The following POLR2G variants were observed in gnomAD, a reference collection of about 807,000 sequenced individuals.
POLR2G encodes the protein RNA polymerase II subunit G, also known as DNA-directed RNA polymerase II subunit RPB7.
A neutral mutation model predicts 25.7 loss-of-function variants in POLR2G; 19 were observed. The ratio of observed to expected loss-of-function variants is 0.74; its 90% CI spans 0.52 to 1.08. The LOEUF (loss-of-function observed/expected upper bound fraction) is 1.08, where lower values mean the gene tolerates loss of function less well. Among genes scored for constraint, POLR2G ranks in the 50% least tolerant of loss-of-function variants. POLR2G has a pLI of 0.00. For missense variants in POLR2G, 123 were observed against 218.5 expected (o/e 0.56, Z 2.76); for synonymous variants, 79 against 76.0 (o/e 1.04, Z -0.21).
In POLR2G at chr11:62,766,630, C is replaced by A; in HGVS notation, c.*123C>A. 1 of 816,894 alleles carries A rather than the reference C, an allele frequency of 1.2e-6. No individual in the cohort carries two copies. 50.6% of individuals were successfully genotyped at this position (816,894 alleles called of 1,614,324 possible). On this transcript the variant is annotated 3_prime_UTR_variant, in exon 8 of 8. Coordinates refer to ENST00000301788, the MANE Select transcript of POLR2G (RefSeq NM_002696.3). ...AAGGAAGGCAACTCATCCCAGAAGG[C>A]ATCTGGTGCTTCTTGTAGCTTAACT...
chr11:62,765,215 T>C lies in POLR2G; in HGVS notation c.316T>C (p.Cys106Arg). 6.2e-7 allele frequency: 1 copy of C among 1,614,004 alleles called. No homozygotes were observed. Among genetic ancestry groups the C allele is most frequent in the Non-Finnish European group, 8.5e-7 (1 of 1,179,958 alleles). ...GLFTEIGPMS[C>R]FISRHSIPSE... ...CTTCACAGAAATTGGGCCCATGTCTTGCTTCATCTCTCGACATGTAAGTCT... is the reference window on the plus strand; with the variant it reads ...CTTCACAGAAATTGGGCCCATGTCTCGCTTCATCTCTCGACATGTAAGTCT... The change falls in exon 4 of 8, where the codon TGC becomes CGC. Residue 106 changes from cysteine to arginine, a missense_variant. Transcript: ENST00000301788.
At chr11:62,765,102 C>T (rs112175782) in intron 3 of POLR2G, 80 bp from the exon 4 acceptor site, 37 of 1,204,510 alleles carry the variant, frequency 3.1e-5, no homozygotes, top group African/African-American at 2.5e-4. Flanking sequence ...CGTGATCCAC[C>T]GGCCTCGGCC....
chr11:62,764,471 T>C (rs2957001), intron 3 of POLR2G, among the ~76,000 whole-genome samples: 3 of 151,620 alleles, frequency 2.0e-5, no homozygotes, highest in African/African-American at 4.8e-5. Context: ...AAAGTAAATA[T>C]GTAAATAAAT....
chr11:62,764,558 G>T (rs1396554174), intron 3 of POLR2G, among the ~76,000 whole-genome samples: 1 of 152,116 alleles, frequency 6.6e-6, no homozygotes, highest in Non-Finnish European at 1.5e-5. Flanking sequence ...GCTTTGGGGG[G>T]CAGAAGTGGG....
chr11:62,762,921 C>G lies in POLR2G; in HGVS notation c.177C>G (p.Ile59Met), dbSNP rs759954499. The change falls in exon 3 of 8, where the codon ATC becomes ATG. Residue 59 changes from isoleucine (I) to methionine (M), a missense_variant. Coordinates refer to ENST00000301788, the MANE Select transcript of POLR2G (RefSeq NM_002696.3). Reference protein sequence around the residue: ...TTIDNIGAGVIQPGRGFVLYP... With the variant: ...TTIDNIGAGVMQPGRGFVLYP... ...TTGACAATATTGGTGCTGGTGTGAT[C>G]CAGCCAGGCCGAGGCTTTGTCCTTT... 1 of 1,611,136 alleles carries G rather than the reference C, an allele frequency of 6.2e-7. No homozygotes were observed.
At chr11:62,766,417 G>T in intron 7 of POLR2G, 77 bp from the exon 8 acceptor site, 1 of 1,562,004 alleles carries the variant, frequency 6.4e-7, no homozygotes, top group South Asian at 1.1e-5. Context: ...CAGGACATTT[G>T]CCTTGGGATG....
intron 1 of POLR2G, 52 bp downstream of exon 1, chr11:62,761,712 G>A: frequency 6.2e-7 from 1 of 1,609,892 alleles, no homozygotes; most frequent in Non-Finnish European, 8.5e-7. Flanking sequence ...GAAGAGCAAG[G>A]CCAGGCGCCG....
chr11:62,762,971 T>G lies in POLR2G; in HGVS notation c.227T>G (p.Val76Gly). ...VLYPVKYKAI[V>G]FRPFKGEVVD... ...TATCCAGTTAAGTACAAGGCCATTGTTTTCCGGCCATTTAAAGGGGAGGTC... is the reference window on the plus strand; with the variant it reads ...TATCCAGTTAAGTACAAGGCCATTGGTTTCCGGCCATTTAAAGGGGAGGTC... Residue 76 changes from valine (V) to glycine (G), a missense_variant, in exon 3 of 8, where the codon GTT (valine) becomes GGT (glycine). Coordinates refer to ENST00000301788, the MANE Select transcript of POLR2G (RefSeq NM_002696.3). 1.2e-6 allele frequency: 2 copies of G among 1,611,370 alleles called. No individual in the cohort carries two copies. The highest frequency in any genetic ancestry group is 1.7e-6 in the Non-Finnish European group (2 of 1,177,754).
intron 3 of POLR2G, among the ~76,000 whole-genome samples, chr11:62,763,394 A>G (rs2084098954): frequency 6.6e-6 from 1 of 150,652 alleles, no homozygotes; most frequent in African/African-American, 2.4e-5. Context: ...TCCCGGGTTC[A>G]CACCATTCTC....
At chr11:62,766,309 G>T in intron 7 of POLR2G, 33 bp downstream of exon 7, 3 of 1,604,414 alleles carry the variant, frequency 1.9e-6, no homozygotes, top group Non-Finnish European at 2.6e-6. Context: ...TGGGGTTATT[G>T]CCTGGAGAAG....
chr11:62,761,766 C>T, intron 1 of POLR2G, 29 bp from the exon 2 acceptor site: 1 of 1,609,340 alleles, frequency 6.2e-7, no homozygotes, highest in Non-Finnish European at 8.5e-7. Flanking sequence ...CAGCGCCTGG[C>T]CTGGTCGCCA....
chr11:62,765,369 T>G lies in POLR2G; in HGVS notation c.363T>G (p.Pro121=). ...TCCCTTCAGAGATGGAGTTTGATCC[T>G]AACTCCAACCCACCATGTTACAAGA... ...HSIPSEMEFD[P]NSNPPCYKTM... Residue 121 remains proline, a synonymous_variant, in exon 5 of 8, where the codon CCT becomes CCG. Transcript: ENST00000301788. 1 of 1,613,068 alleles carries G rather than the reference T, an allele frequency of 6.2e-7. No homozygotes were observed. Among genetic ancestry groups the G allele is most frequent in the Non-Finnish European group, 8.5e-7 (1 of 1,179,086 alleles).
Position 62,765,702 on chromosome 11 carries a change from C to T in POLR2G, c.449C>T (p.Thr150Ile). 1 of 1,607,970 alleles carries T rather than the reference C, an allele frequency of 6.2e-7. No homozygotes were observed. The highest frequency in any genetic ancestry group is 8.5e-7 in the Non-Finnish European group (1 of 1,174,394). Residue 150 changes from threonine (T) to isoleucine (I), a missense_variant, in exon 6 of 8, where the codon ACC (threonine) becomes ATC (isoleucine). By Grantham distance (89) the Thr-to-Ile change is moderately conservative. Transcript: ENST00000301788. Reference sequence around the variant, plus strand: ...GAGATCCGCTTAAAGATTGTGGGGACCCGTGTGGACAAGAATGACATTGTG... The same window carrying T: ...GAGATCCGCTTAAAGATTGTGGGGATCCGTGTGGACAAGAATGACATTGTG... ...DDEIRLKIVG[T>I]RVDKNDIFAI...
chr11:62,762,625 C>T lies in POLR2G; in HGVS notation c.123-242C>T, dbSNP rs550744036. The T allele has an allele frequency of 4.3e-4, 258 of 601,984 alleles. 2 individuals carry two copies. The highest frequency in any genetic ancestry group is 3.9e-3 in the South Asian group (256 of 65,582). 37.3% of individuals were successfully genotyped at this position (601,984 alleles called of 1,614,324 possible). ...CATCCCGAAGATTGAGATCTGTTGC[C>T]TCAAGGACTCCAGCCTTCTTGGACA... On this transcript the variant is annotated intron_variant, in intron 2 of 7. Coordinates refer to ENST00000301788, the MANE Select transcript of POLR2G (RefSeq NM_002696.3).
At chr11:62,766,069 G>A (rs567111475) in intron 6 of POLR2G, among the ~76,000 whole-genome samples, 174 bp from the exon 7 acceptor site, 1 of 152,222 alleles carries the variant, frequency 6.6e-6, no homozygotes, top group South Asian at 2.1e-4. Context: ...TTACAGGTGT[G>A]AGCCACCGCG....
At chr11:62,762,484 C>A in intron 2 of POLR2G, 1 of 402,746 alleles carries the variant, frequency 2.5e-6, no homozygotes. Flanking sequence ...CTTGGGCCTC[C>A]AGCATCAGAA....
intron 5 of POLR2G, 115 bp downstream of exon 5, chr11:62,765,520 C>G: frequency 9.0e-7 from 1 of 1,112,740 alleles, no homozygotes; most frequent in Non-Finnish European, 1.4e-6. Context: ...TGGCTTGATT[C>G]ATGATTTTAT....
intron 2 of POLR2G, 80 bp downstream of exon 2, chr11:62,761,984 T>C: frequency 9.7e-7 from 1 of 1,030,010 alleles, no homozygotes; most frequent in Non-Finnish European, 1.5e-6. Flanking sequence ...CCCCAACTCC[T>C]ACTCGTCCTG....
chr11:62,763,540 C>T (rs1222731249), intron 3 of POLR2G, among the ~76,000 whole-genome samples: 2 of 150,644 alleles, frequency 1.3e-5, no homozygotes, highest in East Asian at 2.0e-4. Context: ...GTGATCCACC[C>T]GCCTCGGCCT....
Sources: allele counts gnomAD v4.1 joint callset (sites outside exome capture counted in the v4.1 genomes callset), GRCh38; gene constraint gnomAD v4.1.1; transcripts MANE v1.5; gene names NCBI Gene and HGNC (gene_info 2026-07-23, HGNC 2026-07-21).